PLPPR1: variants seen among roughly 807,000 people sequenced by gnomAD.
The protein encoded by PLPPR1 is phospholipid phosphatase related 1.
Under a neutral mutation model 33.1 loss-of-function variants are expected in PLPPR1, and 10 were observed. The ratio of observed to expected loss-of-function variants is 0.30; its 90% CI spans 0.19 to 0.51. The LOEUF is 0.51. Ranked by LOEUF, PLPPR1 falls within the 20% of genes least tolerant of loss-of-function variation. The pLI, the probability that PLPPR1 is intolerant of heterozygous loss-of-function variation, is 0.97. For missense variants in PLPPR1, 304 were observed against 408.1 expected, an observed-to-expected ratio of 0.74 and a Z score of 2.20; for synonymous variants, 151 against 151.0, an observed-to-expected ratio of 1.00 and a Z score of 0.00.
rs534774476 is a variant in PLPPR1 at position 101,287,231 on chromosome 9, T to C, written c.385+995T>C. On this transcript the variant is annotated intron_variant, in intron 4 of 7. Coordinates refer to ENST00000374874, the MANE Select transcript of PLPPR1 (RefSeq NM_207299.2). The stretch of plus-strand genomic sequence containing the variant: ...TAAAATAGTCTCAGGCATTTGATGT[T>C]ATTTGCAGAATAAAAGTTTTTGCAG... 2.6e-5 allele frequency among the ~76,000 whole-genome samples: 4 copies of C among 152,346 alleles called. No homozygotes were observed. In the East Asian group the frequency reaches 7.7e-4, roughly 29 times the overall value.
At chr9:101,097,907 C>T (rs1341162085) in intron 1 of PLPPR1, among the ~76,000 whole-genome samples, 2 of 152,102 alleles carry the variant, frequency 1.3e-5, no homozygotes, top group Non-Finnish European at 2.9e-5. Flanking sequence ...TGGAGAACCT[C>T]ATGTAGTTTT....
intron 1 of PLPPR1, among the ~76,000 whole-genome samples, chr9:101,049,040 G>T (rs866704988): frequency 3.7e-4 from 56 of 152,316 alleles, no homozygotes; most frequent in African/African-American, 1.3e-3. Context: ...ATATCATTTT[G>T]CAGCTATCAG....
chr9:101,035,129 G>A (rs1564126567), intron 1 of PLPPR1, among the ~76,000 whole-genome samples: 1 of 152,158 alleles, frequency 6.6e-6, no homozygotes, highest in South Asian at 2.1e-4. Context: ...ATTAATTACA[G>A]CACCTCTTTG....
chr9:101,306,444 T>C (rs547318480), intron 4 of PLPPR1, among the ~76,000 whole-genome samples: 1 of 152,340 alleles, frequency 6.6e-6, no homozygotes, highest in Non-Finnish European at 1.5e-5. Flanking sequence ...TTCAGAAACT[T>C]TGTAAGACTG....
chr9:101,250,299 A>G (rs1827692967), intron 2 of PLPPR1, among the ~76,000 whole-genome samples: 1 of 152,056 alleles, frequency 6.6e-6, no homozygotes, highest in Non-Finnish European at 1.5e-5. Context: ...GTGCGCACAC[A>G]GCTCTGTGCA....
At chr9:101,286,752 C>T (rs909773237) in intron 4 of PLPPR1, among the ~76,000 whole-genome samples, 1 of 152,154 alleles carries the variant, frequency 6.6e-6, no homozygotes, top group African/African-American at 2.4e-5. Flanking sequence ...GCATATTCTA[C>T]ATCCCTCCTT....
At chr9:101,281,050 A>G (rs1288673035) in intron 3 of PLPPR1, among the ~76,000 whole-genome samples, 1 of 152,078 alleles carries the variant, frequency 6.6e-6, no homozygotes, top group Non-Finnish European at 1.5e-5. Context: ...AACCTATTAG[A>G]ACTGATACAT....
chr9:101,224,069 G>A (rs1377478669), intron 2 of PLPPR1, among the ~76,000 whole-genome samples: 1 of 152,050 alleles, frequency 6.6e-6, no homozygotes, highest in African/African-American at 2.4e-5. Flanking sequence ...TTATAGAGAT[G>A]GAATAACAAG....
chr9:101,166,506 TAAAG>T (rs1440223381), intron 1 of PLPPR1, among the ~76,000 whole-genome samples: 1 of 152,062 alleles, frequency 6.6e-6, no homozygotes, highest in Non-Finnish European at 1.5e-5. Context: ...ATTCAGACAT[TAAAG>T]AAAGACAATT....
chr9:101,265,982 C>T (rs1179756917), intron 2 of PLPPR1, among the ~76,000 whole-genome samples: 5 of 148,316 alleles, frequency 3.4e-5, no homozygotes, highest in Non-Finnish European at 6.0e-5. Context: ...GGCGACAGTG[C>T]GAGACACCGC....
chr9:101,070,885 A>G (rs1830475360), intron 1 of PLPPR1, among the ~76,000 whole-genome samples: 1 of 152,164 alleles, frequency 6.6e-6, no homozygotes, highest in South Asian at 2.1e-4. Flanking sequence ...CACTTCAAAG[A>G]GGTGCTTCAC....
chr9:101,129,446 C>G (rs556227245), intron 1 of PLPPR1, among the ~76,000 whole-genome samples: 4 of 152,220 alleles, frequency 2.6e-5, no homozygotes, highest in Admixed American at 1.3e-4. Flanking sequence ...TTGTAACAGC[C>G]CAGAACTAGA....
intron 2 of PLPPR1, among the ~76,000 whole-genome samples, chr9:101,237,822 T>TAC (rs1564011175): frequency 0.03 from 2,963 of 97,488 alleles, 145 homozygotes; most frequent in African/African-American, 0.14. Context: ...TGTGCATATA[T>TAC]ATATATATAT....
At chr9:101,182,423 A>C (rs1380072897) in intron 1 of PLPPR1, among the ~76,000 whole-genome samples, 6 of 151,846 alleles carry the variant, frequency 4.0e-5, no homozygotes, top group African/African-American at 9.7e-5. Context: ...GAGGTGATAC[A>C]TTTGTTAATT....
chr9:101,067,067 G>A (rs1206884709), intron 1 of PLPPR1, among the ~76,000 whole-genome samples: 4 of 152,044 alleles, frequency 2.6e-5, no homozygotes, highest in Non-Finnish European at 4.4e-5. Flanking sequence ...AAATGGCAAA[G>A]CTACTATTCA....
intron 1 of PLPPR1, among the ~76,000 whole-genome samples, chr9:101,140,506 C>G (rs55822393): frequency 0.017 from 2,639 of 152,292 alleles, 51 homozygotes; most frequent in Admixed American, 0.026. Flanking sequence ...AGATGCCTTA[C>G]GTTTTTACAA....
At chr9:101,302,567 T>C (rs4480176) in intron 4 of PLPPR1, among the ~76,000 whole-genome samples, 35,729 of 152,102 alleles carry the variant, frequency 0.23, 4,331 homozygotes, top group Admixed American at 0.29. Flanking sequence ...GTAAACTGTA[T>C]GTGTTTCTTT....
intron 2 of PLPPR1, among the ~76,000 whole-genome samples, chr9:101,243,658 T>TGC (rs1485349310): frequency 2.0e-5 from 3 of 151,794 alleles, no homozygotes; most frequent in Non-Finnish European, 1.5e-5. Context: ...GACTATAAGG[T>TGC]GCCTAAGAAA....
chr9:101,098,097 T>C (rs1830843788), intron 1 of PLPPR1, among the ~76,000 whole-genome samples: 1 of 152,042 alleles, frequency 6.6e-6, no homozygotes, highest in South Asian at 2.1e-4. Context: ...GTCATGTGAT[T>C]GGTTTGTGTT....
Sources: gnomAD v4.1 joint callset for allele counts (sites outside exome capture counted in the v4.1 genomes callset) on GRCh38, gnomAD v4.1.1 for gene constraint, MANE v1.5 for transcripts, NCBI Gene and HGNC (gene_info 2026-07-23, HGNC 2026-07-21) for gene names.